TTN: variants seen among roughly 807,000 people sequenced by gnomAD.
TTN encodes the protein connectin.
TTN carries 1,525 observed loss-of-function variants against 3,223.0 expected under a neutral mutation model. That is an observed-to-expected ratio of 0.47 (90% confidence interval 0.45 to 0.49). The LOEUF (loss-of-function observed/expected upper bound fraction) is 0.49. TTN is among the 20% of genes least tolerant of loss of function. The pLI is 0.00. For missense variants in TTN, 40,786 were observed against 43,424.0 expected (o/e 0.94, Z 5.40); for synonymous variants, 14,094 against 15,161.0 (o/e 0.93, Z 5.17).
At chr2:178,738,495 C>T in intron 48 of TTN, 135 bp from the exon 49 acceptor site, 1 of 1,071,404 alleles carries the variant, frequency 9.3e-7, no homozygotes, top group Non-Finnish European at 1.3e-6. Flanking sequence ...CAGTTTAAGG[C>T]AAGTGACTGG....
intron 281 of TTN, among the ~76,000 whole-genome samples, 170 bp from the exon 282 acceptor site, chr2:178,604,475 T>C (rs1221992031): frequency 1.3e-5 from 2 of 151,984 alleles, no homozygotes; most frequent in African/African-American, 2.4e-5. Flanking sequence ...AAAATAAAAA[T>C]ATGTAGATGT....
rs371625730 is a variant in TTN at position 178,614,861 on chromosome 2, G to A, written c.48746C>T (p.Ala16249Val). 1 of 1,572,468 alleles carries A rather than the reference G, an allele frequency of 6.4e-7. No individual in the cohort carries two copies. Among genetic ancestry groups the A allele is most frequent in the African/African-American group, 1.3e-5 (1 of 74,088 alleles). ...KPSRPTEEIQ[A>V]VDTQEAPEIF... is the part of the protein sequence containing the mutation. ...AAAATAGATACCTTGTGTGTCCACA[G>A]CCTGGATTTCCTCTGTGGGTCTGCT... is the stretch of plus-strand genomic sequence containing the variant. Residue 16249 changes from alanine to valine, a missense_variant, in exon 260 of 363, where the codon GCT becomes GTT. Physicochemically the swap from Ala to Val is moderately conservative, Grantham distance 64. Coordinates refer to ENST00000589042, the MANE Select transcript of TTN (RefSeq NM_001267550.2).
rs761893198 is a variant in TTN at position 178,573,598 on chromosome 2, T to C, written c.72534A>G (p.Gln24178=). 2 of 1,498,542 alleles carry C rather than the reference T, an allele frequency of 1.3e-6. No individual in the cohort carries two copies. The highest frequency in any genetic ancestry group is 2.4e-5 in the Admixed American group (1 of 41,284). The allele number at this position is 1,498,542 out of a possible 1,614,324, so 92.8% of individuals were successfully genotyped here. A position where few individuals can be genotyped will look rare whatever the true frequency, so the allele number is the denominator to read the frequency against. The part of the protein sequence containing the change: ...LAWTNVASEV[Q]VTKLKVTKLL... ...GTTTAGTGACCTTTAGCTTTGTTAC[T>C]TGGACTTCTGAGGCTACATTTGTCC... Residue 24178 remains glutamine (Q), a synonymous_variant, in exon 326 of 363, where the codon CAA becomes CAG. Coordinates refer to ENST00000589042, the MANE Select transcript of TTN (RefSeq NM_001267550.2).
At position 178,544,004 on chromosome 2, in the gene TTN, G is replaced by C; in HGVS notation, c.96140C>G (p.Thr32047Arg). ...SVSGRPPPVI[T>R]WSKQGIDLAS... ...AAGGTCAATGCCCTGCTTGCTCCACGTTATGACAGGAGGTGGTCTTCCAGA... is the reference window on the plus strand; with the variant it reads ...AAGGTCAATGCCCTGCTTGCTCCACCTTATGACAGGAGGTGGTCTTCCAGA... Residue 32047 changes from threonine to arginine, a missense_variant, in exon 346 of 363, where the codon ACG (threonine) becomes AGG (arginine). Coordinates refer to ENST00000589042, the MANE Select transcript of TTN (RefSeq NM_001267550.2). 6.2e-7 allele frequency: 1 copy of C among 1,613,606 alleles called. No individual in the cohort carries two copies. The highest frequency in any genetic ancestry group is 1.1e-5 in the South Asian group (1 of 91,070).
chr2:178,528,081 A>C, intron 361 of TTN, 193 bp downstream of exon 361: 2 of 633,498 alleles, frequency 3.2e-6, no homozygotes, highest in Non-Finnish European at 5.1e-6. Context: ...TTTACTTTGA[A>C]ATGTAATCTA....
At chr2:178,581,275 A>G (rs1299571447) in intron 316 of TTN, among the ~76,000 whole-genome samples, 1 of 152,066 alleles carries the variant, frequency 6.6e-6, no homozygotes, top group Non-Finnish European at 1.5e-5. Flanking sequence ...AAGACAGGAA[A>G]TTCTTATATA....
rs772344497 is a variant in TTN at position 178,598,910 on chromosome 2, C to G, written c.56800G>C (p.Val18934Leu). ...KDTTSKRWKR[V>L]NRDPIKAMTL... ...ATGGCTTTGATAGGATCTCGGTTAA[C>G]TCTCTTCCATCTCTTTGAAGTGGTG... is the stretch of plus-strand genomic sequence containing the variant. The change falls in exon 291 of 363, where the codon GTT (valine) becomes CTT (leucine). Residue 18934 changes from valine to leucine, a missense_variant. Val to Leu is a conservative substitution (Grantham distance 32, BLOSUM62 1). Coordinates refer to ENST00000589042, the MANE Select transcript of TTN (RefSeq NM_001267550.2). The G allele has an allele frequency of 6.2e-6, 10 of 1,613,010 alleles. No individual in the cohort carries two copies. The African/African-American group carries it at 1.3e-4, about 22-fold the overall frequency.
chr2:178,590,972 C>G lies in TTN; in HGVS notation c.60753G>C (p.Lys20251Asn), dbSNP rs756340284. Residue 20251 changes from lysine (K) to asparagine (N), a missense_variant, in exon 304 of 363, where the codon AAG (lysine) becomes AAC (asparagine). By Grantham distance (94) the Lys-to-Asn change is moderately conservative. Coordinates refer to ENST00000589042, the MANE Select transcript of TTN (RefSeq NM_001267550.2). ...AGTCAAGGGGAGGACCAACACCTAT[C>G]TTATTCTCTGCTCTAACTCGGAAAA... ...EYVFRVRAEN[K>N]IGVGPPLDST... 1.2e-6 allele frequency: 2 copies of G among 1,613,458 alleles called. No homozygotes were observed. The highest frequency in any genetic ancestry group is 1.7e-6 in the Non-Finnish European group (2 of 1,179,562).
Position 178,572,453 on chromosome 2 carries a change from T to G in TTN, c.73679A>C (p.Glu24560Ala). 6.2e-7 allele frequency: 1 copy of G among 1,612,526 alleles called. No homozygotes were observed. The change falls in exon 326 of 363, where the codon GAA becomes GCA. Residue 24560 changes from glutamate to alanine, a missense_variant. Coordinates refer to ENST00000589042, the MANE Select transcript of TTN (RefSeq NM_001267550.2). ...KIKNYIVEKRESTRKAYSTVA... is the reference protein window; with the variant it reads ...KIKNYIVEKRASTRKAYSTVA... ...AGTTGAATATGCTTTTCTTGTTGAT[T>G]CCCGCTTTTCAACAATATAGTTCTT...
At chr2:178,764,466 A>G (rs1193922731) in intron 42 of TTN, 61 bp downstream of exon 42, 1 of 1,612,860 alleles carries the variant, frequency 6.2e-7, no homozygotes, top group African/African-American at 1.3e-5. Flanking sequence ...ATGCACTGGG[A>G]AAGGACAAAA....
At position 178,620,429 on chromosome 2, in the gene TTN, G is replaced by A. The variant is rs1469653601; in HGVS notation, c.46092C>T (p.Gly15364=). 1.9e-6 allele frequency: 3 copies of A among 1,612,260 alleles called. No homozygotes were observed. In the South Asian group the frequency reaches 3.3e-5, roughly 18 times the overall value. Residue 15364 remains glycine, a synonymous_variant, in exon 248 of 363, where the codon GGC becomes GGT. Transcript: ENST00000589042. ...CAATGTATTCACCTTCATCTGGGAA[G>A]CCACAGTCTTTAATGGTTAACATGT... ...YKHMLTIKDC[G]FPDEGEYIVT...
At chr2:178,746,843 A>G in intron 47 of TTN, 2 of 1,613,466 alleles carry the variant, frequency 1.2e-6, no homozygotes, top group Non-Finnish European at 1.7e-6. Context: ...CAGAGGTTCA[A>G]TAAAAGATGG....
In TTN at chr2:178,713,214, T is replaced by C; in HGVS notation, c.26920A>G (p.Thr8974Ala). Residue 8974 changes from threonine to alanine, a missense_variant, in exon 93 of 363, where the codon ACC becomes GCC. Transcript: ENST00000589042. ...NEISSGRKYQ[T>A]TLTDNTCALT... ...GCACAAGTATTATCTGTCAGGGTGGTCTGGTATTTCCTTCCACTACTGATC... is the reference window on the plus strand; with the variant it reads ...GCACAAGTATTATCTGTCAGGGTGGCCTGGTATTTCCTTCCACTACTGATC... 6.2e-7 allele frequency: 1 copy of C among 1,613,632 alleles called. No homozygotes were observed. Among genetic ancestry groups the C allele is most frequent in the East Asian group, 2.2e-5 (1 of 44,848 alleles).
At position 178,536,584 on chromosome 2, in the gene TTN, CAAAA is replaced by C; in HGVS notation, c.100172-13_100172-10del. On this transcript the variant is annotated splice_polypyrimidine_tract_variant and intron_variant, in intron 356 of 362. Coordinates refer to ENST00000589042, the MANE Select transcript of TTN (RefSeq NM_001267550.2). ...AGGAGCACCTGGCTTTTCTATTAAA[CAAAA>C]AAAAGATTTGAGTCATGAGATGAAA... 3 of 1,480,096 alleles carry C rather than the reference CAAAA, an allele frequency of 2.0e-6. No individual in the cohort carries two copies. The highest frequency in any genetic ancestry group is 2.7e-6 in the Non-Finnish European group (3 of 1,121,308). 91.7% of individuals were successfully genotyped at this position (1,480,096 alleles called of 1,614,324 possible). A position where few individuals can be genotyped will look rare whatever the true frequency, so the allele number is the denominator to read the frequency against.
chr2:178,556,797 G>A (rs1175000765), intron 330 of TTN, 51 bp downstream of exon 330: 2 of 1,593,946 alleles, frequency 1.3e-6, no homozygotes, highest in Admixed American at 1.7e-5. Flanking sequence ...AAGGTATGCG[G>A]AAATACTGAG....
Position 178,571,752 on chromosome 2 carries a change from C to G in TTN, c.74380G>C (p.Ala24794Pro). The G allele has an allele frequency of 6.2e-7, 1 of 1,613,324 alleles. No individual in the cohort carries two copies. Among genetic ancestry groups the G allele is most frequent in the Admixed American group, 1.7e-5 (1 of 59,990 alleles). The change falls in exon 326 of 363, where the codon GCT (alanine) becomes CCT (proline). Residue 24794 changes from alanine to proline, a missense_variant. Transcript: ENST00000589042. ...GHYVVKLTNS[A>P]GEAIETLNVI... ...TTAAGGGTTTCAATAGCTTCACCAG[C>G]TGAGTTAGTCAGTTTAACCACATAA...
intron 220 of TTN, among the ~76,000 whole-genome samples, chr2:178,641,038 T>C (rs2061171349): frequency 6.6e-6 from 1 of 151,948 alleles, no homozygotes; most frequent in African/African-American, 2.4e-5. Context: ...AAGAATGAAG[T>C]GCAGGGAAAT....
intron 33 of TTN, 23 bp downstream of exon 33, chr2:178,773,085 AT>A (rs771008224): frequency 4.3e-6 from 7 of 1,613,470 alleles, no homozygotes; most frequent in Non-Finnish European, 5.9e-6. Flanking sequence ...CCTCGTAAGA[AT>A]TTAGGTTAAT....
rs760768093 is a variant in TTN, at chr2:178,533,254, TC to T, written c.103360del (p.Glu34454AsnfsTer3). The T allele has an allele frequency of 1.6e-5, 26 of 1,613,862 alleles. No homozygotes were observed. The highest frequency in any genetic ancestry group is 1.9e-5 in the Non-Finnish European group (23 of 1,179,886). On this transcript the variant is annotated frameshift_variant, in exon 358 of 363. Transcript: ENST00000589042. LOFTEE classifies it high-confidence loss of function. ...STSCQAHLQV[E>X]RLRYKKQEFK... Reference sequence around the variant, plus strand: ...TTCCTGTTTCTTGTACCTCAGGCGTTCCACTTGTAGGTGAGCCTGGCAGCTG... The same window carrying T: ...TTCCTGTTTCTTGTACCTCAGGCGTTCACTTGTAGGTGAGCCTGGCAGCTG...
Sources: allele counts gnomAD v4.1 joint callset (sites outside exome capture counted in the v4.1 genomes callset), GRCh38; gene constraint gnomAD v4.1.1; transcripts MANE v1.5; gene names NCBI Gene and HGNC (gene_info 2026-07-23, HGNC 2026-07-21).